CSMD2: variants seen among roughly 807,000 people sequenced by gnomAD.
CSMD2 encodes CUB and sushi domain-containing protein 2.
In CSMD2, 130 loss-of-function variants were observed where a neutral mutation model predicts 398.5. The ratio of observed to expected loss-of-function variants is 0.33; its 90% confidence interval spans 0.28 to 0.38. The LOEUF is 0.38. Ranked by LOEUF, CSMD2 falls within the 10% of genes least tolerant of loss-of-function variation. The pLI is 1.00. For missense variants in CSMD2, 3,829 were observed against 4,764.9 expected (o/e 0.80, Z 5.78); for synonymous variants, 1,828 against 1,908.5 (o/e 0.96, Z 1.10).
intron 10 of CSMD2, among the ~76,000 whole-genome samples, chr1:33,797,486 G>T (rs967038340): frequency 1.3e-5 from 2 of 152,176 alleles, no homozygotes; most frequent in Non-Finnish European, 2.9e-5. Flanking sequence ...TAGGCAACTT[G>T]CCTGGGGTCA....
In CSMD2 at chr1:33,984,860, A is replaced by AAGGAAGGC. The variant is rs1558201689; in HGVS notation, c.517+47733_517+47734insGCCTTCCT. On this transcript the variant is annotated intron_variant, in intron 3 of 70. Coordinates refer to ENST00000373381, the MANE Select transcript of CSMD2 (RefSeq NM_001281956.2). The stretch of plus-strand genomic sequence containing the variant: ...GGAGGAAGGAAGGAAGGAAGGAAGG[A>AAGGAAGGC]AGGCAGGCAGGCAGGCAGGCAGGCA... Among the ~76,000 whole-genome samples the AAGGAAGGC allele has an allele frequency of 2.7e-5, 4 of 149,830 alleles. No homozygotes were observed. The East Asian group carries it at 6.0e-4, about 22-fold the overall frequency.
intron 1 of CSMD2, among the ~76,000 whole-genome samples, chr1:34,155,018 G>A (rs1432951326): frequency 6.6e-6 from 1 of 152,172 alleles, no homozygotes; most frequent in African/African-American, 2.4e-5. Flanking sequence ...GAGCCACCGC[G>A]CCCTGCCTGG....
intron 12 of CSMD2, among the ~76,000 whole-genome samples, chr1:33,779,573 G>A (rs1652435139): frequency 6.6e-6 from 1 of 152,182 alleles, no homozygotes; most frequent in Non-Finnish European, 1.5e-5. Context: ...CTGTAACGTG[G>A]CACCTGCCAT....
intron 21 of CSMD2, chr1:33,709,516 CAG>C (rs1438342240): frequency 6.0e-6 from 3 of 496,462 alleles, no homozygotes; most frequent in South Asian, 4.4e-5. Flanking sequence ...CCTACAGAAA[CAG>C]ACGCTAACCC....
intron 49 of CSMD2, among the ~76,000 whole-genome samples, chr1:33,576,685 G>A (rs1051422997): frequency 9.2e-5 from 14 of 152,102 alleles, no homozygotes; most frequent in African/African-American, 2.9e-4. Flanking sequence ...CTTTGTACAC[G>A]GATGATCCTA....
At chr1:33,577,698 A>T (rs1289201775) in intron 48 of CSMD2, among the ~76,000 whole-genome samples, 1 of 152,200 alleles carries the variant, frequency 6.6e-6, no homozygotes, top group Non-Finnish European at 1.5e-5. Context: ...AAAACAAAAC[A>T]AAACAAAAAA....
chr1:33,958,977 T>C (rs909471584), intron 3 of CSMD2, among the ~76,000 whole-genome samples: 2 of 152,238 alleles, frequency 1.3e-5, no homozygotes, highest in Non-Finnish European at 2.9e-5. Flanking sequence ...CATGCTGTGT[T>C]GTAGCTGCCT....
At chr1:34,128,375 C>T (rs910130932) in intron 1 of CSMD2, among the ~76,000 whole-genome samples, 4 of 152,194 alleles carry the variant, frequency 2.6e-5, no homozygotes, top group Non-Finnish European at 4.4e-5. Flanking sequence ...CCTTCAAAGA[C>T]TGTACCCGCA....
intron 2 of CSMD2, among the ~76,000 whole-genome samples, chr1:34,073,079 T>C (rs1655919058): frequency 6.6e-6 from 1 of 152,182 alleles, no homozygotes; most frequent in East Asian, 1.9e-4. Flanking sequence ...AACAGGCCAC[T>C]TCCCTGTCCC....
chr1:33,754,864 G>T (rs1415199228), intron 13 of CSMD2, among the ~76,000 whole-genome samples: 1 of 152,042 alleles, frequency 6.6e-6, no homozygotes, highest in Non-Finnish European at 1.5e-5. Context: ...CTGTAGGCTT[G>T]GTGTCTTTAG....
rs1486046083 is a variant in CSMD2, at chr1:33,646,641, C to A, written c.4774+7G>T. 1.2e-5 allele frequency: 20 copies of A among 1,612,842 alleles called. No individual in the cohort carries two copies. The highest frequency in any genetic ancestry group is 1.7e-5 in the Non-Finnish European group (20 of 1,179,908). ...TCCTCAGTACTCTCTGGCACCAGGG[C>A]CCTTACCTGTATAGTCAATGACGAA... On this transcript the variant is annotated splice_region_variant and intron_variant, in intron 29 of 70. Transcript: ENST00000373381.
chr1:33,890,170 T>C (rs914891904), intron 5 of CSMD2, among the ~76,000 whole-genome samples: 17 of 151,992 alleles, frequency 1.1e-4, no homozygotes, highest in African/African-American at 4.1e-4. Flanking sequence ...AAAAATATAA[T>C]ACTCGTCTGC....
rs375644605 is a variant in CSMD2 at position 34,081,565 on chromosome 1, C to T, written c.404+7412G>A. ...TGCCGAGTGCCTGGGATCGCAGGCG[C>T]GCGCCGCCACGCCTGACTGGTTTTT... On this transcript the variant is annotated intron_variant, in intron 2 of 70. Transcript: ENST00000373381. Among the ~76,000 whole-genome samples, 266 of 152,294 alleles carry T rather than the reference C, an allele frequency of 1.7e-3. 5 individuals carry two copies. In the East Asian group the frequency reaches 0.043, roughly 25 times the overall value.
At chr1:33,889,765 G>GTGTGTC (rs1641859086) in intron 5 of CSMD2, among the ~76,000 whole-genome samples, 1 of 151,824 alleles carries the variant, frequency 6.6e-6, no homozygotes. Flanking sequence ...GTGTGTGTGT[G>GTGTGTC]TGTGTGTGTG....
intron 3 of CSMD2, among the ~76,000 whole-genome samples, chr1:34,003,259 C>G (rs1646956068): frequency 1.3e-5 from 2 of 152,192 alleles, no homozygotes; most frequent in East Asian, 3.9e-4. Context: ...CCTCCTTCCC[C>G]TTGAGGTCTT....
At chr1:34,130,484 G>C (rs952956309) in intron 1 of CSMD2, among the ~76,000 whole-genome samples, 7 of 151,968 alleles carry the variant, frequency 4.6e-5, no homozygotes, top group Admixed American at 2.0e-4. Flanking sequence ...AGTGGTGGGA[G>C]GGGAAGCGTG....
rs528155977 is a variant in CSMD2 at position 33,747,804 on chromosome 1, A to T, written c.1847-4198T>A. Among the ~76,000 whole-genome samples, 3 of 152,328 alleles carry T rather than the reference A, an allele frequency of 2.0e-5. No homozygotes were observed. In the East Asian group the frequency reaches 5.8e-4, roughly 29 times the overall value. On this transcript the variant is annotated intron_variant, in intron 13 of 70. Coordinates refer to ENST00000373381, the MANE Select transcript of CSMD2 (RefSeq NM_001281956.2). ...AAGAGTGCTGTAATTTATCAATATA[A>T]GTCTCAAATATTCCTATTTAATTGG...
intron 55 of CSMD2, among the ~76,000 whole-genome samples, chr1:33,555,709 C>T (rs963217933): frequency 1.8e-4 from 27 of 152,114 alleles, no homozygotes; most frequent in African/African-American, 6.3e-4. Context: ...TTGCTAAGGG[C>T]TCAGATGATT....
chr1:33,558,510 T>C (rs1448283940), intron 54 of CSMD2, among the ~76,000 whole-genome samples: 2 of 152,224 alleles, frequency 1.3e-5, no homozygotes, highest in East Asian at 3.8e-4. Flanking sequence ...AACCCATGAC[T>C]ATACTTTTCT....
Sources: allele counts gnomAD v4.1 joint callset (sites outside exome capture counted in the v4.1 genomes callset), GRCh38; gene constraint gnomAD v4.1.1; transcripts MANE v1.5; gene names NCBI Gene and HGNC (gene_info 2026-07-23, HGNC 2026-07-21).